Variants in CACNA1B observed in about 807,000 individuals in gnomAD.
CACNA1B encodes the protein voltage-dependent N-type calcium channel subunit alpha-1B.
Under a neutral mutation model 247.2 loss-of-function variants are expected in CACNA1B, and 70 were observed. The ratio of observed to expected loss-of-function variants is 0.28; its 90% CI spans 0.23 to 0.35. The LOEUF is 0.35. Among genes scored for constraint, CACNA1B ranks in the 10% least tolerant of loss-of-function variants. CACNA1B has a pLI of 1.00. For missense variants in CACNA1B, 2,367 were observed against 3,197.4 expected (o/e 0.74, Z 6.26); for synonymous variants, 1,231 against 1,294.4 (o/e 0.95, Z 1.05).
At chr9:137,979,253 T>C (rs1958265409) in intron 12 of CACNA1B, among the ~76,000 whole-genome samples, 2 of 152,186 alleles carry the variant, frequency 1.3e-5, no homozygotes, top group East Asian at 1.9e-4. Flanking sequence ...TTCAGCCCAG[T>C]TGAAGGCCAA....
chr9:138,069,793 C>G, intron 32 of CACNA1B, 30 bp downstream of exon 32: 1 of 1,600,894 alleles, frequency 6.2e-7, no homozygotes, highest in Non-Finnish European at 8.6e-7. Context: ...ACGGTTCTTG[C>G]AAGTCCTTGC....
intron 31 of CACNA1B, among the ~76,000 whole-genome samples, chr9:138,069,538 A>G (rs147114133): frequency 2.0e-5 from 3 of 152,332 alleles, no homozygotes; most frequent in African/African-American, 7.2e-5. Flanking sequence ...CTAGTTAAGT[A>G]ATCAGAGTTT....
At chr9:138,006,100 A>G (rs2133412089) in intron 15 of CACNA1B, among the ~76,000 whole-genome samples, 1 of 152,202 alleles carries the variant, frequency 6.6e-6, no homozygotes, top group East Asian at 1.9e-4. Context: ...GAAAGTGAAA[A>G]AAGAAAAAAG....
Position 137,914,557 on chromosome 9 carries a change from T to C in CACNA1B, c.623-97T>C. On this transcript the variant is annotated intron_variant, in intron 4 of 46. Transcript: ENST00000371372. The surrounding 1 kb of genome is among the most constrained non-coding windows in gnomAD (Gnocchi z 4.3). ...GCACTCACTGCTTAGCACCTTGCTG[T>C]CCCTGCTAGGTTCCTGCTGTTCTGT... The C allele has an allele frequency of 1.0e-6, 1 of 993,762 alleles. No individual in the cohort carries two copies. The allele number at this position is 993,762 out of a possible 1,614,324, so 61.6% of individuals were successfully genotyped here.
chr9:138,087,406 AAAAG>A (rs1269792318), intron 36 of CACNA1B, among the ~76,000 whole-genome samples: 3 of 145,972 alleles, frequency 2.1e-5, no homozygotes, highest in Admixed American at 6.7e-5. Context: ...AAAAAAAAGA[AAAAG>A]AAAAAAAAGA....
intron 6 of CACNA1B, among the ~76,000 whole-genome samples, chr9:137,944,935 G>A (rs1238094261): frequency 6.6e-6 from 1 of 152,136 alleles, no homozygotes; most frequent in Non-Finnish European, 1.5e-5. Context: ...CTTTGTAAAA[G>A]GGGGTCATCT....
intron 3 of CACNA1B, chr9:137,892,654 C>T (rs1051273016): frequency 8.8e-6 from 3 of 339,432 alleles, no homozygotes; most frequent in Non-Finnish European, 1.7e-5. Flanking sequence ...GGAGGGACGT[C>T]CCCCAGCACA....
At position 138,041,357 on chromosome 9, in the gene CACNA1B, G is replaced by A. The variant is rs149862217; in HGVS notation, c.3287-2417G>A. Among the ~76,000 whole-genome samples the A allele has an allele frequency of 1.6e-3, 239 of 152,304 alleles. 1 individual carries two copies. The highest frequency in any genetic ancestry group is 5.0e-3 in the African/African-American group (208 of 41,560). On this transcript the variant is annotated intron_variant, in intron 20 of 46. Coordinates refer to ENST00000371372, the MANE Select transcript of CACNA1B (RefSeq NM_000718.4). ...TTAGGGGGAGTAAAGCACCTGGGCC[G>A]TGTCTGGCATGTGGCTGTTTTTAGT...
In CACNA1B at chr9:138,007,890, G is replaced by A. The variant is rs1006536522; in HGVS notation, c.2092+1006G>A. ...TCGTCTCTGCCTCACTGGTGCCGGT[G>A]CCCTCAGTGCCCTTGCAGACTTCAC... On this transcript the variant is annotated intron_variant, in intron 16 of 46. Transcript: ENST00000371372. This position sits in a 1 kb window ranked among gnomAD's most constrained non-coding sequence, Gnocchi z 4.1. 2.6e-5 allele frequency among the ~76,000 whole-genome samples: 4 copies of A among 152,188 alleles called. No individual in the cohort carries two copies. The highest frequency in any genetic ancestry group is 6.5e-5 in the Admixed American group (1 of 15,286).
At chr9:137,949,245 GTGT>G in intron 6 of CACNA1B, among the ~76,000 whole-genome samples, 3 of 130,036 alleles carry the variant, frequency 2.3e-5, no homozygotes, top group South Asian at 2.5e-4. Flanking sequence ...GTATGCATGT[GTGT>G]GGTGTGTGGT....
chr9:137,911,599 T>C (rs1012189925), intron 3 of CACNA1B, among the ~76,000 whole-genome samples: 2 of 152,138 alleles, frequency 1.3e-5, no homozygotes, highest in African/African-American at 2.4e-5. Context: ...TATTTTTTTT[T>C]GTAGAGACGG....
chr9:137,957,263 G>A lies in CACNA1B; in HGVS notation c.1244-335G>A, dbSNP rs568265441. 6.6e-5 allele frequency among the ~76,000 whole-genome samples: 10 copies of A among 152,358 alleles called. No homozygotes were observed. Among genetic ancestry groups the A allele is most frequent in the East Asian group, 3.9e-4 (2 of 5,182 alleles). On this transcript the variant is annotated intron_variant, in intron 9 of 46. Coordinates refer to ENST00000371372, the MANE Select transcript of CACNA1B (RefSeq NM_000718.4). This position sits in a 1 kb window ranked among gnomAD's most constrained non-coding sequence, Gnocchi z 4.7. ...CAATCTCAGCCGGCCCCATGCCTGC[G>A]GCTCTGAGCAGGTCTATGCTGTCCC... is the stretch of plus-strand genomic sequence containing the variant.
intron 15 of CACNA1B, among the ~76,000 whole-genome samples, chr9:137,997,100 T>A (rs1020106571): frequency 2.0e-5 from 3 of 152,190 alleles, no homozygotes; most frequent in African/African-American, 7.2e-5. Context: ...GAGAAAGCAC[T>A]GGAACTGTAG....
chr9:138,062,241 C>T (rs1056917482), intron 31 of CACNA1B, among the ~76,000 whole-genome samples: 3 of 152,212 alleles, frequency 2.0e-5, no homozygotes, highest in Non-Finnish European at 2.9e-5. Flanking sequence ...CTGCCCAGGG[C>T]TCTGCTCCAC....
At chr9:138,107,246 A>ATTTATTTG (rs1961461175) in intron 39 of CACNA1B, among the ~76,000 whole-genome samples, 1 of 99,822 alleles carries the variant, frequency 1.0e-5, no homozygotes, top group Non-Finnish European at 2.0e-5. Flanking sequence ...TTATTTATTT[A>ATTTATTTG]TTTATTTATT....
intron 15 of CACNA1B, among the ~76,000 whole-genome samples, chr9:137,998,376 C>T (rs1451924716): frequency 9.9e-5 from 15 of 152,092 alleles, no homozygotes; most frequent in Non-Finnish European, 8.8e-5. Flanking sequence ...TTTGGGAGGC[C>T]GAGGTGGGCA....
intron 16 of CACNA1B, among the ~76,000 whole-genome samples, chr9:138,008,750 C>T (rs139788882): frequency 2.0e-5 from 3 of 152,320 alleles, no homozygotes; most frequent in African/African-American, 4.8e-5. Context: ...AAGGTTCTAA[C>T]GGGGGCAGCT....
intron 20 of CACNA1B, among the ~76,000 whole-genome samples, chr9:138,028,257 A>G (rs1958946579): frequency 2.6e-5 from 4 of 152,018 alleles, no homozygotes; most frequent in African/African-American, 7.2e-5. Context: ...TCCTGACCTC[A>G]AGTGATCCAC....
chr9:137,900,564 CTA>C (rs1957224179), intron 3 of CACNA1B, among the ~76,000 whole-genome samples: 2 of 112,184 alleles, frequency 1.8e-5, no homozygotes, highest in South Asian at 5.7e-4. Flanking sequence ...CTGTGTCTGT[CTA>C]TGTGTGTCTC....
Sources: allele counts gnomAD v4.1 joint callset (sites outside exome capture counted in the v4.1 genomes callset), GRCh38; gene constraint gnomAD v4.1.1; non-coding constraint Gnocchi (gnomAD v3.1); transcripts MANE v1.5; gene names NCBI Gene and HGNC (gene_info 2026-07-23, HGNC 2026-07-21).